Variants in SLC27A1 observed in about 807,000 individuals in gnomAD.
SLC27A1 encodes long-chain fatty acid transport protein 1.
Under a neutral mutation model 62.2 loss-of-function variants are expected in SLC27A1, and 61 were observed. The ratio of observed to expected loss-of-function variants is 0.98; its 90% CI spans 0.80 to 1.21. The LOEUF (loss-of-function observed/expected upper bound fraction) is 1.21, where lower values mean the gene tolerates loss of function less well. Among genes scored for constraint, SLC27A1 ranks in the 50% most tolerant of loss-of-function variants. The probability of loss-of-function intolerance (pLI) is 0.00; values close to 1 mark genes in which losing one functional copy is unlikely to be tolerated. For missense variants in SLC27A1, 903 were observed against 932.1 expected (o/e 0.97, Z 0.41); for synonymous variants, 435 against 408.6 (o/e 1.06, Z -0.78).
At position 17,504,986 on chromosome 19, in the gene SLC27A1, G is replaced by A. The variant is rs904700200; in HGVS notation, c.*374G>A. ...CGGCTCACTGCAACCTCTGCCTCCT[G>A]GGGTTCAAGTGATCCTCCCACCTCA... On this transcript the variant is annotated 3_prime_UTR_variant, in exon 12 of 12. Transcript: ENST00000252595. 1.0e-5 allele frequency: 4 copies of A among 392,000 alleles called. No individual in the cohort carries two copies. The highest frequency in any genetic ancestry group is 2.1e-5 in the African/African-American group (1 of 47,574). 24.3% of individuals were successfully genotyped at this position (392,000 alleles called of 1,614,324 possible).
At chr19:17,492,820 C>T (rs537420546) in intron 6 of SLC27A1, among the ~76,000 whole-genome samples, 6 of 151,966 alleles carry the variant, frequency 3.9e-5, no homozygotes, top group South Asian at 4.2e-4. Flanking sequence ...TGCCTGTAAT[C>T]CCAGCTACTC....
chr19:17,499,888 TGG>T, intron 7 of SLC27A1: 5 of 197,012 alleles, frequency 2.5e-5, no homozygotes, highest in South Asian at 1.0e-4. Flanking sequence ...CAGGGTGTAG[TGG>T]CTCAAACATG....
intron 1 of SLC27A1, among the ~76,000 whole-genome samples, chr19:17,483,191 G>T (rs2075197690): frequency 6.6e-6 from 1 of 152,048 alleles, no homozygotes; most frequent in Non-Finnish European, 1.5e-5. Context: ...CCCATGACCT[G>T]GTGGCTCTGC....
chr19:17,475,959 C>T (rs993593693), intron 1 of SLC27A1, among the ~76,000 whole-genome samples: 9 of 152,076 alleles, frequency 5.9e-5, no homozygotes, highest in Non-Finnish European at 1.2e-4. Context: ...TGAGAGAGAA[C>T]GAGTGAGACC....
Position 17,470,615 on chromosome 19 carries a change from C to G in SLC27A1, c.75C>G (p.Thr25=), listed in dbSNP as rs892025347. 32 of 1,570,746 alleles carry G rather than the reference C, an allele frequency of 2.0e-5. No individual in the cohort carries two copies. In the African/African-American group the frequency reaches 2.8e-4, roughly 14 times the overall value. Residue 25 remains threonine, a synonymous_variant, in exon 1 of 12, where the codon ACC becomes ACG. Coordinates refer to ENST00000252595, the MANE Select transcript of SLC27A1 (RefSeq NM_198580.3). The stretch of plus-strand genomic sequence containing the variant: ...TGTGGCTGCTGGGGCTGCCGTGGAC[C>G]TGGAGCGCGGCAGCGGCGCTCGGCG... The part of the protein sequence containing the change: ...ALLWLLGLPW[T]WSAAAALGVY...
Position 17,505,193 on chromosome 19 carries a change from T to G in SLC27A1, c.*581T>G. ...ATAGGCGTGAGCCTCTGGCCCGGCC[T>G]TTCCTTTTTCCTCTCCTCTCCTGCC... On this transcript the variant is annotated 3_prime_UTR_variant, in exon 12 of 12. Coordinates refer to ENST00000252595, the MANE Select transcript of SLC27A1 (RefSeq NM_198580.3). 1 of 299,208 alleles carries G rather than the reference T, an allele frequency of 3.3e-6. No individual in the cohort carries two copies. The highest frequency in any genetic ancestry group is 6.5e-6 in the Non-Finnish European group (1 of 153,662). The allele number at this position is 299,208 out of a possible 1,614,324, so 18.5% of individuals were successfully genotyped here.
chr19:17,481,154 A>G (rs2075174133), intron 1 of SLC27A1, among the ~76,000 whole-genome samples: 1 of 150,052 alleles, frequency 6.7e-6, no homozygotes, highest in Admixed American at 6.6e-5. Flanking sequence ...CGAACTCCCA[A>G]CCTCAGGTGA....
intron 11 of SLC27A1, among the ~76,000 whole-genome samples, chr19:17,502,661 A>G (rs534669027): frequency 1.3e-5 from 2 of 151,664 alleles, no homozygotes; most frequent in African/African-American, 2.4e-5. Context: ...GCCTCGGTGT[A>G]TCTTTTCTTT....
chr19:17,488,914 C>T lies in SLC27A1; in HGVS notation c.861C>T (p.Asp287=). ...YRMQAADVLY[D]CLPLYHSAGN... Reference sequence around the variant, plus strand: ...TGCAGGCGGCTGACGTGCTCTATGACTGCCTGCCCCTGTACCACTCGGCAG... The same window carrying T: ...TGCAGGCGGCTGACGTGCTCTATGATTGCCTGCCCCTGTACCACTCGGCAG... Residue 287 remains aspartate, a synonymous_variant, in exon 5 of 12, where the codon GAC becomes GAT. Transcript: ENST00000252595. 6.2e-7 allele frequency: 1 copy of T among 1,614,152 alleles called. No homozygotes were observed. The highest frequency in any genetic ancestry group is 8.5e-7 in the Non-Finnish European group (1 of 1,180,012).
chr19:17,476,278 G>A (rs2075121164), intron 1 of SLC27A1, among the ~76,000 whole-genome samples: 4 of 152,172 alleles, frequency 2.6e-5, no homozygotes, highest in Admixed American at 2.0e-4. Flanking sequence ...GCTCATGCCT[G>A]TAATCCCAGC....
At chr19:17,474,109 AT>A (rs2075101023) in intron 1 of SLC27A1, among the ~76,000 whole-genome samples, 1 of 151,926 alleles carries the variant, frequency 6.6e-6, no homozygotes, top group South Asian at 2.1e-4. Context: ...CAGCCAGCAG[AT>A]TTTGTTTATT....
intron 7 of SLC27A1, chr19:17,497,755 A>G (rs1363625607): frequency 1.4e-5 from 6 of 434,578 alleles, no homozygotes; most frequent in African/African-American, 2.1e-5. Flanking sequence ...TCTGAGCCTC[A>G]GTTTCTGCGT....
rs2075229653 is a variant in SLC27A1 at position 17,486,418 on chromosome 19, G to A, written c.168-145G>A. ...AAATGGCCCTTGCCCTTGGTCCACT[G>A]AGAGATCCAGCCACCAAAAGTTTCA... On this transcript the variant is annotated intron_variant, in intron 1 of 11. Coordinates refer to ENST00000252595, the MANE Select transcript of SLC27A1 (RefSeq NM_198580.3). The surrounding 1 kb of genome is among the most constrained non-coding windows in gnomAD (Gnocchi z 6.6). 2.0e-6 allele frequency: 2 copies of A among 984,354 alleles called. No homozygotes were observed. The highest frequency in any genetic ancestry group is 5.4e-5 in the East Asian group (2 of 37,158). 61.0% of individuals were successfully genotyped at this position (984,354 alleles called of 1,614,324 possible).
At position 17,486,544 on chromosome 19, in the gene SLC27A1, C is replaced by T. The variant is rs559528043; in HGVS notation, c.168-19C>T. On this transcript the variant is annotated intron_variant, in intron 1 of 11. Coordinates refer to ENST00000252595, the MANE Select transcript of SLC27A1 (RefSeq NM_198580.3). The surrounding 1 kb of genome is among the most constrained non-coding windows in gnomAD (Gnocchi z 6.6). ...GGGCAGGGCACCAGTGACGCTGTCC[C>T]CTCCGTCCTCCCTCCCAGCGGTCTC... 21 of 1,557,882 alleles carry T rather than the reference C, an allele frequency of 1.3e-5. No individual in the cohort carries two copies. In the South Asian group the frequency reaches 2.2e-4, roughly 16 times the overall value.
chr19:17,502,502 C>T (rs1007238272), intron 11 of SLC27A1, among the ~76,000 whole-genome samples: 1 of 151,434 alleles, frequency 6.6e-6, no homozygotes, highest in Non-Finnish European at 1.5e-5. Context: ...CAGGTGTGCA[C>T]CACCATGCCC....
At chr19:17,499,463 T>C (rs151115003) in intron 7 of SLC27A1, 1 of 152,208 alleles carries the variant, frequency 6.6e-6, no homozygotes, top group East Asian at 1.9e-4. Flanking sequence ...ACTCTTGTTG[T>C]TTTATATATT....
chr19:17,474,993 C>T (rs1368019081), intron 1 of SLC27A1, among the ~76,000 whole-genome samples: 2 of 151,854 alleles, frequency 1.3e-5, no homozygotes, highest in East Asian at 3.9e-4. Flanking sequence ...GACTCCACTG[C>T]ACCCTCCAGC....
In SLC27A1 at chr19:17,500,311, C is replaced by T; in HGVS notation, c.1240C>T (p.Pro414Ser). The T allele has an allele frequency of 6.2e-7, 1 of 1,614,228 alleles. No homozygotes were observed. Among genetic ancestry groups the T allele is most frequent in the African/African-American group, 1.3e-5 (1 of 75,070 alleles). The change falls in exon 8 of 12, where the codon CCC becomes TCC. Residue 414 changes from proline to serine, a missense_variant. Transcript: ENST00000252595. ...CTGTGGTTTCAACAGCCGCATCCTG[C>T]CCCACGTGTACCCCATCCGGCTGGT... ...GSCGFNSRIL[P>S]HVYPIRLVKV...
intron 1 of SLC27A1, among the ~76,000 whole-genome samples, chr19:17,472,394 C>CAAAA (rs1241729442): frequency 3.0e-5 from 2 of 65,802 alleles, no homozygotes; most frequent in African/African-American, 1.1e-4. Context: ...GACTCCGTCT[C>CAAAA]AAAAAAAAAA....
Sources: allele counts gnomAD v4.1 joint callset (sites outside exome capture counted in the v4.1 genomes callset), GRCh38; gene constraint gnomAD v4.1.1; non-coding constraint Gnocchi (gnomAD v3.1); transcripts MANE v1.5; gene names NCBI Gene and HGNC (gene_info 2026-07-23, HGNC 2026-07-21).